The following PHLPP1 variants were observed in gnomAD, a reference collection of about 807,000 sequenced individuals.
PHLPP1 encodes the protein PH domain leucine-rich repeat-containing protein phosphatase 1.
Under a neutral mutation model 117.2 loss-of-function variants are expected in PHLPP1, and 42 were observed. The observed-to-expected ratio is 0.36, with a 90% CI of 0.28 to 0.46. The LOEUF is 0.46. Ranked by LOEUF, PHLPP1 falls within the 20% of genes least tolerant of loss-of-function variation. The pLI, the probability that PHLPP1 is intolerant of heterozygous loss-of-function variation, is 1.00. For missense variants in PHLPP1, 2,084 were observed against 2,241.9 expected, an observed-to-expected ratio of 0.93 and a Z score of 1.42; for synonymous variants, 1,042 against 970.7, an observed-to-expected ratio of 1.07 and a Z score of -1.37.
chr18:62,893,840 C>G (rs1452636588), intron 4 of PHLPP1, among the ~76,000 whole-genome samples: 2 of 151,928 alleles, frequency 1.3e-5, no homozygotes, highest in Non-Finnish European at 2.9e-5. Flanking sequence ...GTTGCTTGGG[C>G]AACTGTGAAA....
Position 62,972,690 on chromosome 18 carries a change from C to CT in PHLPP1, c.3737_3738insT (p.Phe1247IlefsTer27). ...AACGAAGAAGAATACATGGTCAATACATTCATTGTCATGCAAAGGTAAAAC... is the reference window on the plus strand; with the variant it reads ...AACGAAGAAGAATACATGGTCAATACTATTCATTGTCATGCAAAGGTAAAAC... On this transcript the variant is annotated frameshift_variant, in exon 15 of 17. Coordinates refer to ENST00000262719, the MANE Select transcript of PHLPP1 (RefSeq NM_194449.4). LOFTEE classifies it high-confidence loss of function. 1 of 1,611,762 alleles carries CT rather than the reference C, an allele frequency of 6.2e-7. No individual in the cohort carries two copies.
Position 62,980,010 on chromosome 18 carries a change from A to G in PHLPP1, c.*579A>G, listed in dbSNP as rs1214483719. 1 of 154,900 alleles carries G rather than the reference A, an allele frequency of 6.5e-6. No individual in the cohort carries two copies. The highest frequency in any genetic ancestry group is 1.4e-5 in the Non-Finnish European group (1 of 69,784). The allele number at this position is 154,900 out of a possible 1,614,324, so 9.6% of individuals were successfully genotyped here. A position where few individuals can be genotyped will look rare whatever the true frequency, so the allele number is the denominator to read the frequency against. On this transcript the variant is annotated 3_prime_UTR_variant, in exon 17 of 17. Transcript: ENST00000262719. ...AGAGAACAGCTGATTGAGAATTTCC[A>G]TTGTAAATAGCTCAGTGTTGTATAG...
intron 1 of PHLPP1, among the ~76,000 whole-genome samples, chr18:62,738,024 G>A (rs1439405864): frequency 1.3e-5 from 2 of 152,044 alleles, no homozygotes; most frequent in African/African-American, 2.4e-5. Context: ...CTGAAGCTGG[G>A]GGTAGTACCT....
At chr18:62,734,999 A>G (rs1243103376) in intron 1 of PHLPP1, among the ~76,000 whole-genome samples, 1 of 152,012 alleles carries the variant, frequency 6.6e-6, no homozygotes, top group African/African-American at 2.4e-5. Flanking sequence ...TGATGAGAAA[A>G]GTTCTACAAA....
At chr18:62,773,352 ATGT>A (rs1475234122) in intron 1 of PHLPP1, among the ~76,000 whole-genome samples, 1 of 152,176 alleles carries the variant, frequency 6.6e-6, no homozygotes, top group African/African-American at 2.4e-5. Flanking sequence ...AAAACCTGTA[ATGT>A]TGTTTGAACT....
chr18:62,902,888 A>G (rs1916757724), intron 6 of PHLPP1, 76 bp from the exon 7 acceptor site: 3 of 854,878 alleles, frequency 3.5e-6, no homozygotes, highest in Non-Finnish European at 1.9e-6. Context: ...CTTTCTCGCT[A>G]TTTCTCATAT....
chr18:62,978,217 G>C lies in PHLPP1; in HGVS notation c.3985-45G>C, dbSNP rs1160357564. 1 of 1,192,020 alleles carries C rather than the reference G, an allele frequency of 8.4e-7. No individual in the cohort carries two copies. Among genetic ancestry groups the C allele is most frequent in the African/African-American group, 1.5e-5 (1 of 66,588 alleles). The allele number at this position is 1,192,020 out of a possible 1,614,324, so 73.8% of individuals were successfully genotyped here. On this transcript the variant is annotated intron_variant, in intron 16 of 16. Transcript: ENST00000262719. The surrounding 1 kb of genome is among the most constrained non-coding windows in gnomAD (Gnocchi z 7.0). ...GCAGGGAACCTGCACAGTTGCCGCA[G>C]GTGCTCTGTATTAACTGTCTGTCTG...
At chr18:62,859,397 G>A (rs1915575887) in intron 3 of PHLPP1, among the ~76,000 whole-genome samples, 1 of 152,230 alleles carries the variant, frequency 6.6e-6, no homozygotes, top group South Asian at 2.1e-4. Flanking sequence ...TGTGGGAGGA[G>A]TCATTTAACC....
At chr18:62,746,789 T>C (rs901571880) in intron 1 of PHLPP1, among the ~76,000 whole-genome samples, 5 of 152,058 alleles carry the variant, frequency 3.3e-5, no homozygotes, top group Non-Finnish European at 7.4e-5. Flanking sequence ...TTTTTTTCTA[T>C]TATAAATGGT....
At chr18:62,967,463 T>C (rs1053054369) in intron 14 of PHLPP1, among the ~76,000 whole-genome samples, 3 of 152,164 alleles carry the variant, frequency 2.0e-5, no homozygotes, top group Non-Finnish European at 2.9e-5. Context: ...CTCATTGTGG[T>C]TTTAATTTGC....
At position 62,979,221 on chromosome 18, in the gene PHLPP1, T is replaced by A; in HGVS notation, c.4944T>A (p.Pro1648=). ...CTACAGACGCACCTCTTCGAAAGCC[T>A]GGAGGCTATTTTGCTGCCCCGGCTC... is the stretch of plus-strand genomic sequence containing the variant. ...EVATDAPLRK[P]GGYFAAPAQP... is the part of the protein sequence containing the mutation. The change falls in exon 17 of 17, where the codon CCT becomes CCA. Residue 1648 remains proline (P), a synonymous_variant. Coordinates refer to ENST00000262719, the MANE Select transcript of PHLPP1 (RefSeq NM_194449.4). 1.2e-6 allele frequency: 2 copies of A among 1,608,710 alleles called. No homozygotes were observed. Among genetic ancestry groups the A allele is most frequent in the Non-Finnish European group, 1.7e-6 (2 of 1,177,538 alleles).
intron 4 of PHLPP1, among the ~76,000 whole-genome samples, chr18:62,878,578 G>T (rs1421925385): frequency 6.6e-6 from 1 of 152,194 alleles, no homozygotes; most frequent in East Asian, 1.9e-4. Flanking sequence ...TTTCTCTGGA[G>T]TGGTGAGGAT....
chr18:62,920,223 C>A, intron 10 of PHLPP1, 109 bp downstream of exon 10: 1 of 1,068,596 alleles, frequency 9.4e-7, no homozygotes, highest in Non-Finnish European at 1.4e-6. Context: ...TGTATCTGTC[C>A]CAGATTTGTG....
At chr18:62,808,063 C>T (rs533050296) in intron 1 of PHLPP1, among the ~76,000 whole-genome samples, 17 of 152,232 alleles carry the variant, frequency 1.1e-4, no homozygotes, top group East Asian at 1.9e-4. Context: ...AAAAGTTATG[C>T]GGTGCATGAC....
intron 1 of PHLPP1, among the ~76,000 whole-genome samples, chr18:62,791,908 C>A (rs952107785): frequency 2.0e-5 from 3 of 151,410 alleles, no homozygotes; most frequent in African/African-American, 7.3e-5. Flanking sequence ...CCATTTTTTT[C>A]TTTCATAACT....
intron 1 of PHLPP1, among the ~76,000 whole-genome samples, chr18:62,719,188 G>T (rs1176350278): frequency 6.6e-6 from 1 of 152,144 alleles, no homozygotes; most frequent in Non-Finnish European, 1.5e-5. Context: ...ATGTGTGGGG[G>T]TGCCACACAA....
At chr18:62,917,352 C>T (rs928669121) in intron 9 of PHLPP1, among the ~76,000 whole-genome samples, 3 of 149,574 alleles carry the variant, frequency 2.0e-5, no homozygotes, top group African/African-American at 7.4e-5. Context: ...TTATTCAATG[C>T]AAATCCCAAA....
chr18:62,770,343 C>T (rs34936656), intron 1 of PHLPP1, among the ~76,000 whole-genome samples: 8,648 of 152,288 alleles, frequency 0.057, 339 homozygotes, highest in Middle Eastern at 0.088. Flanking sequence ...CTCCTGACCT[C>T]AGGTGATCCA....
At chr18:62,804,882 T>C (rs1176375451) in intron 1 of PHLPP1, among the ~76,000 whole-genome samples, 1 of 149,960 alleles carries the variant, frequency 6.7e-6, no homozygotes, top group Admixed American at 6.7e-5. Context: ...CAGTATAATA[T>C]ACACTGCATA....
Sources: gnomAD v4.1 joint callset for allele counts (sites outside exome capture counted in the v4.1 genomes callset) on GRCh38, gnomAD v4.1.1 for gene constraint, Gnocchi (gnomAD v3.1) non-coding constraint, MANE v1.5 for transcripts, NCBI Gene and HGNC (gene_info 2026-07-23, HGNC 2026-07-21) for gene names.